The following AKAP8 variants were observed in gnomAD, a reference collection of about 807,000 sequenced individuals.
AKAP8 encodes A-kinase anchoring protein 8, also known as A-kinase anchor protein 8.
In AKAP8, 24 loss-of-function variants were observed where a neutral mutation model predicts 67.5. The ratio of observed to expected loss-of-function variants is 0.36; its 90% CI spans 0.26 to 0.50. AKAP8 has a LOEUF of 0.50. AKAP8 is among the 20% of genes least tolerant of loss of function. The pLI, the probability that AKAP8 is intolerant of heterozygous loss-of-function variation, is 0.97. For synonymous variants in AKAP8, 400 were observed against 371.1 expected, an observed-to-expected ratio of 1.08 and a Z score of -0.90; for missense variants, 971 against 955.9, an observed-to-expected ratio of 1.02 and a Z score of -0.21.
rs1214242158 is a variant in AKAP8, at chr19:15,353,546, A to AT, written c.*1368dup. The stretch of plus-strand genomic sequence containing the variant: ...TCGTCTTTTCAAGCAGTTTATTTCC[A>AT]TTTTCAGTTCTAATGTTGACTTTTT... On this transcript the variant is annotated 3_prime_UTR_variant, in exon 14 of 14. Transcript: ENST00000269701. 6.6e-6 allele frequency: 1 copy of AT among 151,954 alleles called. No homozygotes were observed. The highest frequency in any genetic ancestry group is 1.5e-5 in the Non-Finnish European group (1 of 68,012). 9.4% of individuals were successfully genotyped at this position (151,954 alleles called of 1,614,324 possible).
intron 6 of AKAP8, 51 bp from the exon 7 acceptor site, chr19:15,372,049 C>T (rs371036623): frequency 2.7e-5 from 43 of 1,612,348 alleles, no homozygotes; most frequent in Non-Finnish European, 3.3e-5. Context: ...CGGTCCCATC[C>T]GGTTTCCGCC....
chr19:15,362,035 C>T (rs1966975095), intron 10 of AKAP8, 75 bp downstream of exon 10: 8 of 1,574,448 alleles, frequency 5.1e-6, no homozygotes, highest in Non-Finnish European at 6.0e-6. Flanking sequence ...CCTCTGATTT[C>T]CCTTCCTCCT....
At chr19:15,374,427 G>A (rs918201128) in intron 3 of AKAP8, among the ~76,000 whole-genome samples, 176 bp downstream of exon 3, 1 of 152,138 alleles carries the variant, frequency 6.6e-6, no homozygotes, top group Admixed American at 6.5e-5. Flanking sequence ...CCCTGAGGCC[G>A]CCCACCACAG....
chr19:15,371,877 C>T, intron 7 of AKAP8, 75 bp downstream of exon 7: 2 of 1,518,010 alleles, frequency 1.3e-6, no homozygotes, highest in Non-Finnish European at 1.8e-6. Context: ...CTGCTCCTGC[C>T]CCTTTGTGAG....
intron 12 of AKAP8, among the ~76,000 whole-genome samples, chr19:15,360,147 AAAAC>A (rs1966942723): frequency 6.6e-6 from 1 of 152,166 alleles, no homozygotes; most frequent in Non-Finnish European, 1.5e-5. Context: ...AAAAAACAAA[AAAAC>A]AAAAACGTAA....
Position 15,374,652 on chromosome 19 carries a change from A to G in AKAP8, c.59-17T>C. 2 of 1,613,176 alleles carry G rather than the reference A, an allele frequency of 1.2e-6. No homozygotes were observed. Among genetic ancestry groups the G allele is most frequent in the Non-Finnish European group, 1.7e-6 (2 of 1,179,492 alleles). ...CATATGCACCTTAGGGGAAACAGAA[A>G]CACACAAGAGCCCTGTTTGCAGAAC... On this transcript the variant is annotated splice_polypyrimidine_tract_variant and intron_variant, in intron 2 of 13. Coordinates refer to ENST00000269701, the MANE Select transcript of AKAP8 (RefSeq NM_005858.4).
intron 5 of AKAP8, 96 bp downstream of exon 5, chr19:15,372,755 A>G: frequency 7.1e-7 from 1 of 1,403,402 alleles, no homozygotes; most frequent in Non-Finnish European, 9.3e-7. Context: ...GCACTTAAAA[A>G]CATTTAAGTG....
intron 9 of AKAP8, among the ~76,000 whole-genome samples, chr19:15,366,147 G>GAAAAAAAAAAA (rs1967065567): frequency 4.5e-5 from 1 of 22,376 alleles, no homozygotes; most frequent in East Asian, 3.6e-3. Flanking sequence ...TGAAAAAAAA[G>GAAAAAAAAAAA]CAAAAAGAAA....
At chr19:15,358,910 G>A in intron 13 of AKAP8, 57 bp downstream of exon 13, 1 of 1,501,844 alleles carries the variant, frequency 6.7e-7, no homozygotes, top group African/African-American at 1.4e-5. Context: ...CCCTGCTCCT[G>A]GGGTTCATCT....
intron 4 of AKAP8, 121 bp from the exon 5 acceptor site, chr19:15,373,461 C>G: frequency 7.0e-7 from 1 of 1,422,508 alleles, no homozygotes; most frequent in Non-Finnish European, 9.3e-7. Flanking sequence ...TGCATCCCAC[C>G]TAAGTGCTGG....
chr19:15,366,082 G>T (rs1192385337), intron 9 of AKAP8, among the ~76,000 whole-genome samples: 1 of 60,030 alleles, frequency 1.7e-5, no homozygotes, highest in African/African-American at 7.4e-5. Context: ...CACTCTGAAG[G>T]TTTCTTTTTT....
Position 15,373,936 on chromosome 19 carries a change from G to A in AKAP8, c.221C>T (p.Ala74Val), listed in dbSNP as rs143110237. The change falls in exon 4 of 14, where the codon GCC becomes GTC. Residue 74 changes from alanine (A) to valine (V), a missense_variant. Coordinates refer to ENST00000269701, the MANE Select transcript of AKAP8 (RefSeq NM_005858.4). The part of the protein sequence containing the change: ...NDGGLAAGAP[A>V]MHMASYGPEP... ...TGGGCCGTAAGAGGCCATGTGCATG[G>A]CAGGGGCCCCGGCCGCCAGGCCGCC... 234 of 1,613,756 alleles carry A rather than the reference G, an allele frequency of 1.5e-4. No homozygotes were observed. Among genetic ancestry groups the A allele is most frequent in the Non-Finnish European group, 1.9e-4 (222 of 1,179,926 alleles).
intron 9 of AKAP8, 24 bp downstream of exon 9, chr19:15,368,211 T>TG: frequency 6.2e-7 from 1 of 1,609,026 alleles, no homozygotes. Context: ...CCTCCTCCTG[T>TG]GGGGTCGTGT....
At chr19:15,361,006 T>C in intron 11 of AKAP8, 28 bp from the exon 12 acceptor site, 1 of 1,605,608 alleles carries the variant, frequency 6.2e-7, no homozygotes, top group Non-Finnish European at 8.5e-7. Context: ...TCTTGTAGGA[T>C]CTGGGACAGC....
At position 15,376,973 on chromosome 19, in the gene AKAP8, TACCCTGGGTG is replaced by T; in HGVS notation, c.51_58+2del. ...CCTCACCCGCAAAGCAGAGCCCACT[TACCCTGGGTG>T]TTGGCAGGTCCAGCACTCCACGCCC... On this transcript the variant is annotated splice_donor_variant and coding_sequence_variant, in exon 2 of 14. Coordinates refer to ENST00000269701, the MANE Select transcript of AKAP8 (RefSeq NM_005858.4). LOFTEE classifies it high-confidence loss of function. The T allele has an allele frequency of 6.2e-7, 1 of 1,612,434 alleles. No homozygotes were observed. Among genetic ancestry groups the T allele is most frequent in the Non-Finnish European group, 8.5e-7 (1 of 1,179,322 alleles).
intron 7 of AKAP8, among the ~76,000 whole-genome samples, chr19:15,371,620 C>T (rs935630754): frequency 5.3e-5 from 8 of 152,014 alleles, no homozygotes; most frequent in African/African-American, 1.9e-4. Context: ...TCCCAAGTAG[C>T]TGCTACTACA....
intron 9 of AKAP8, among the ~76,000 whole-genome samples, chr19:15,364,125 A>T (rs1287427287): frequency 7.0e-6 from 1 of 143,392 alleles, no homozygotes; most frequent in Admixed American, 7.0e-5. Flanking sequence ...AAAAAAAAAA[A>T]GAAACAGGAT....
chr19:15,361,637 C>T, intron 11 of AKAP8, 92 bp downstream of exon 11: 1 of 1,137,840 alleles, frequency 8.8e-7, no homozygotes, highest in Non-Finnish European at 1.3e-6. Context: ...CAGGTGTGAG[C>T]CACCGTGCCC....
intron 9 of AKAP8, among the ~76,000 whole-genome samples, chr19:15,363,441 G>A (rs1599560687): frequency 6.7e-6 from 1 of 149,338 alleles, no homozygotes; most frequent in African/African-American, 2.5e-5. Flanking sequence ...GGGAAGTGAG[G>A]AGCCCCCCTG....
Sources: allele counts gnomAD v4.1 joint callset (sites outside exome capture counted in the v4.1 genomes callset), GRCh38; gene constraint gnomAD v4.1.1; transcripts MANE v1.5; gene names NCBI Gene and HGNC (gene_info 2026-07-23, HGNC 2026-07-21).